The following MYRIP variants were observed in gnomAD, a reference collection of about 807,000 sequenced individuals.
MYRIP encodes myosin VIIA and Rab interacting protein.
Under a neutral mutation model 98.0 loss-of-function variants are expected in MYRIP, and 49 were observed. That is an observed-to-expected ratio of 0.50 (90% CI 0.40 to 0.63). The LOEUF (loss-of-function observed/expected upper bound fraction) is 0.63. Ranked by LOEUF, MYRIP falls within the 30% of genes least tolerant of loss-of-function variation. MYRIP has a pLI of 0.00. For missense variants in MYRIP, 1,004 were observed against 1,058.2 expected, an observed-to-expected ratio of 0.95 and a Z score of 0.71; for synonymous variants, 404 against 409.5, an observed-to-expected ratio of 0.99 and a Z score of 0.16.
In MYRIP at chr3:40,244,614, A is replaced by C. The variant is rs1953127879; in HGVS notation, c.2262+7A>C. ...CCACCATGCTGAACTCCAGGTGAGA[A>C]CTCTCCTCTCTGCCCACATGGGTCC... On this transcript the variant is annotated splice_region_variant and intron_variant, in intron 13 of 16. Coordinates refer to ENST00000302541, the MANE Select transcript of MYRIP (RefSeq NM_015460.4). 6.2e-7 allele frequency: 1 copy of C among 1,607,162 alleles called. No homozygotes were observed.
intron 2 of MYRIP, among the ~76,000 whole-genome samples, chr3:39,935,549 T>C (rs992597462): frequency 3.9e-5 from 6 of 152,118 alleles, no homozygotes; most frequent in African/African-American, 1.4e-4. Context: ...GGCTCATGTT[T>C]CCATATGGGA....
chr3:39,921,827 A>G (rs1005211933), intron 2 of MYRIP, among the ~76,000 whole-genome samples: 1 of 146,816 alleles, frequency 6.8e-6, no homozygotes, highest in African/African-American at 2.5e-5. Flanking sequence ...GGTTGCAGTA[A>G]GCCAAGATTG....
At chr3:39,998,622 C>A (rs1946432288) in intron 2 of MYRIP, among the ~76,000 whole-genome samples, 1 of 152,138 alleles carries the variant, frequency 6.6e-6, no homozygotes, top group African/African-American at 2.4e-5. Flanking sequence ...TTTACAGATT[C>A]AATGCCATCC....
chr3:40,128,955 C>A (rs1949579108), intron 3 of MYRIP, among the ~76,000 whole-genome samples: 1 of 152,068 alleles, frequency 6.6e-6, no homozygotes, highest in Non-Finnish European at 1.5e-5. Context: ...GTATTATTAG[C>A]ATTGTATTTT....
chr3:40,017,821 A>C (rs759881624), intron 2 of MYRIP, among the ~76,000 whole-genome samples: 4 of 151,558 alleles, frequency 2.6e-5, no homozygotes, highest in African/African-American at 4.9e-5. Flanking sequence ...AGAAAGAATC[A>C]ATTTGGTTTT....
chr3:39,870,109 A>AGGGCAG (rs926915244), intron 1 of MYRIP, among the ~76,000 whole-genome samples: 1 of 152,142 alleles, frequency 6.6e-6, no homozygotes, highest in Admixed American at 6.5e-5. Context: ...GGCAAGGGCA[A>AGGGCAG]GGGCAGGGGC....
intron 2 of MYRIP, among the ~76,000 whole-genome samples, chr3:39,963,750 A>G (rs556226385): frequency 6.6e-6 from 1 of 152,288 alleles, no homozygotes; most frequent in Non-Finnish European, 1.5e-5. Flanking sequence ...TAATAATCAT[A>G]TATCTGTCTT....
chr3:40,189,983 C>T lies in MYRIP; in HGVS notation c.1185C>T (p.Ser395=), dbSNP rs755885859. The stretch of plus-strand genomic sequence containing the variant: ...CATCTGCCTACGATGAGATGGGCTC[C>T]GATAGCGAGGAAGACTTTGACTGGA... ...SVASAYDEMG[S]DSEEDFDWSE... Residue 395 remains serine, a synonymous_variant, in exon 10 of 17, where the codon TCC becomes TCT. Transcript: ENST00000302541. 88 of 1,613,998 alleles carry T rather than the reference C, an allele frequency of 5.5e-5. No individual in the cohort carries two copies. The highest frequency in any genetic ancestry group is 4.9e-4 in the Middle Eastern group (3 of 6,084).
intron 2 of MYRIP, among the ~76,000 whole-genome samples, chr3:40,015,368 CAG>C (rs1946839989): frequency 6.6e-6 from 1 of 152,194 alleles, no homozygotes; most frequent in South Asian, 2.1e-4. Flanking sequence ...GAGAGCCAGT[CAG>C]AGTACTGCAA....
rs111514204 is a variant in MYRIP at position 39,951,779 on chromosome 3, G to T, written c.110+50853G>T. Among the ~76,000 whole-genome samples the T allele has an allele frequency of 4.7e-3, 718 of 152,196 alleles. 6 individuals are homozygous for T. Among genetic ancestry groups the T allele is most frequent in the Middle Eastern group, 0.041 (12 of 294 alleles). ...GCTGACCCCTATTCTAGAGGACTCT[G>T]ACAAAAGTTCTCTACTTTGACTAAA... On this transcript the variant is annotated intron_variant, in intron 2 of 16. Coordinates refer to ENST00000302541, the MANE Select transcript of MYRIP (RefSeq NM_015460.4).
chr3:40,135,668 G>C (rs1163143276), intron 3 of MYRIP, among the ~76,000 whole-genome samples: 1 of 152,238 alleles, frequency 6.6e-6, no homozygotes. Flanking sequence ...AAGCCCATCA[G>C]ACTAACAGCT....
intron 1 of MYRIP, among the ~76,000 whole-genome samples, chr3:39,818,823 A>C (rs1199284683): frequency 6.6e-6 from 1 of 152,186 alleles, no homozygotes; most frequent in Non-Finnish European, 1.5e-5. Context: ...CAAAGTGACA[A>C]TACTAATTTA....
intron 3 of MYRIP, among the ~76,000 whole-genome samples, chr3:40,054,668 C>T (rs946844197): frequency 6.6e-6 from 1 of 152,116 alleles, no homozygotes; most frequent in Non-Finnish European, 1.5e-5. Context: ...GCTGCAACAT[C>T]CACTCTTCCC....
At chr3:39,845,486 T>G (rs541052509) in intron 1 of MYRIP, among the ~76,000 whole-genome samples, 2 of 152,346 alleles carry the variant, frequency 1.3e-5, no homozygotes, top group South Asian at 4.1e-4. Flanking sequence ...CTTTTCTATT[T>G]AGGTATAGAA....
chr3:40,043,299 C>T (rs1393080462), intron 2 of MYRIP, among the ~76,000 whole-genome samples: 4 of 152,010 alleles, frequency 2.6e-5, no homozygotes, highest in Non-Finnish European at 5.9e-5. Context: ...CCCCCATTTT[C>T]GTAGCAGGAA....
At chr3:40,091,560 A>T (rs1948737851) in intron 3 of MYRIP, among the ~76,000 whole-genome samples, 1 of 152,194 alleles carries the variant, frequency 6.6e-6, no homozygotes, top group African/African-American at 2.4e-5. Flanking sequence ...CAAATCACAA[A>T]CACCCCAGAC....
At chr3:40,139,473 T>C (rs374121045) in intron 3 of MYRIP, among the ~76,000 whole-genome samples, 1 of 152,260 alleles carries the variant, frequency 6.6e-6, no homozygotes. Flanking sequence ...ATTTTCCTTC[T>C]TTTAAAATTT....
At chr3:40,066,221 T>C (rs555274553) in intron 3 of MYRIP, among the ~76,000 whole-genome samples, 1 of 152,258 alleles carries the variant, frequency 6.6e-6, no homozygotes, top group East Asian at 1.9e-4. Flanking sequence ...CCACACCAAC[T>C]TGCAACTTTT....
intron 3 of MYRIP, among the ~76,000 whole-genome samples, chr3:40,076,529 T>C (rs1268941398): frequency 6.6e-6 from 1 of 152,206 alleles, no homozygotes; most frequent in Non-Finnish European, 1.5e-5. Context: ...CCAGGTGCCT[T>C]AGGGCTTTAT....
Sources: gnomAD v4.1 joint callset for allele counts (sites outside exome capture counted in the v4.1 genomes callset) on GRCh38, gnomAD v4.1.1 for gene constraint, MANE v1.5 for transcripts, NCBI Gene and HGNC (gene_info 2026-07-23, HGNC 2026-07-21) for gene names.